The following LINS1 variants were observed in gnomAD, a reference collection of about 807,000 sequenced individuals.
LINS1 encodes the protein lines homolog 1.
LINS1 carries 27 observed loss-of-function variants against 41.6 expected under a neutral mutation model. The ratio of observed to expected loss-of-function variants is 0.65; its 90% CI spans 0.48 to 0.89. LINS1 has a LOEUF of 0.89. Among genes scored for constraint, LINS1 ranks in the 40% least tolerant of loss-of-function variants. The probability of loss-of-function intolerance (pLI) is 0.00; values close to 1 mark genes in which losing one functional copy is unlikely to be tolerated. For missense variants in LINS1, 955 were observed against 884.1 expected, an observed-to-expected ratio of 1.08 and a Z score of -1.02; for synonymous variants, 336 against 312.9, an observed-to-expected ratio of 1.07 and a Z score of -0.78.
At chr15:100,582,932 T>C (rs1402272319) in intron 1 of LINS1, among the ~76,000 whole-genome samples, 10 of 130,120 alleles carry the variant, frequency 7.7e-5, no homozygotes, top group Admixed American at 1.5e-4. Context: ...CCATCTACAC[T>C]ATGGCCCACT....
chr15:100,583,469 T>C (rs2038661749), intron 1 of LINS1, among the ~76,000 whole-genome samples: 2 of 152,240 alleles, frequency 1.3e-5, no homozygotes. Flanking sequence ...TTTCTCTGAA[T>C]CACACTTTCA....
intron 1 of LINS1, among the ~76,000 whole-genome samples, chr15:100,599,854 T>C (rs1305194156): frequency 6.6e-6 from 1 of 152,094 alleles, no homozygotes; most frequent in Non-Finnish European, 1.5e-5. Context: ...TCACCTGAGG[T>C]CAGAGGTTCG....
chr15:100,587,182 A>AAAAAAAAG lies in LINS1; in HGVS notation c.-103-6238_-103-6237insCTTTTTTT, dbSNP rs1555434011. ...TAAAAAAAAAAAAAAAAAAAAAAAA[A>AAAAAAAAG]CATTAGCAGTTTGGCAATTCTTTAA... On this transcript the variant is annotated intron_variant, in intron 1 of 6. Transcript: ENST00000314742. Among the ~76,000 whole-genome samples the AAAAAAAAG allele has an allele frequency of 2.9e-4, 36 of 124,436 alleles. 1 individual carries two copies. The highest frequency in any genetic ancestry group is 3.9e-4 in the African/African-American group (13 of 33,020). 81.6% of individuals were successfully genotyped at this position (124,436 alleles called of 152,430 possible). A position where few individuals can be genotyped will look rare whatever the true frequency, so the allele number is the denominator to read the frequency against.
intron 3 of LINS1, among the ~76,000 whole-genome samples, chr15:100,576,200 C>T (rs1415581852): frequency 6.6e-6 from 1 of 152,038 alleles, no homozygotes; most frequent in Non-Finnish European, 1.5e-5. Context: ...GAGATAGAGA[C>T]ACAAAAAACC....
At chr15:100,589,368 T>C (rs2038938570) in intron 1 of LINS1, among the ~76,000 whole-genome samples, 1 of 152,212 alleles carries the variant, frequency 6.6e-6, no homozygotes, top group Non-Finnish European at 1.5e-5. Flanking sequence ...TCATGTTAAA[T>C]CAGCTGATAC....
intron 6 of LINS1, among the ~76,000 whole-genome samples, chr15:100,571,129 C>G (rs1296556433): frequency 1.3e-5 from 2 of 152,180 alleles, no homozygotes; most frequent in East Asian, 3.8e-4. Flanking sequence ...CCCAAACACT[C>G]AAGAGTCTAA....
intron 1 of LINS1, among the ~76,000 whole-genome samples, chr15:100,589,961 T>C (rs189056719): frequency 1.2e-3 from 188 of 152,266 alleles, no homozygotes; most frequent in African/African-American, 3.8e-3. Context: ...TCTGAGAACA[T>C]TGGAGAAAGA....
chr15:100,572,248 A>G, intron 5 of LINS1, 183 bp from the exon 6 acceptor site: 1 of 1,416,736 alleles, frequency 7.1e-7, no homozygotes, highest in Non-Finnish European at 9.2e-7. Flanking sequence ...ACTGAGGCTC[A>G]GGGAAAAAAA....
rs910381064 is a variant in LINS1 at position 100,568,268 on chromosome 15, A to G, written c.*970T>C. 2 of 152,204 alleles carry G rather than the reference A, an allele frequency of 1.3e-5. No individual in the cohort carries two copies. The highest frequency in any genetic ancestry group is 4.8e-5 in the African/African-American group (2 of 41,452). The allele number at this position is 152,204 out of a possible 1,614,324, so 9.4% of individuals were successfully genotyped here. Reference sequence around the variant, plus strand: ...CTTTCTGTGTAAATACCCCAGAAGGAAATAGTAACTGTATTTGGTTAGTGA... The same window carrying G: ...CTTTCTGTGTAAATACCCCAGAAGGGAATAGTAACTGTATTTGGTTAGTGA... On this transcript the variant is annotated 3_prime_UTR_variant, in exon 7 of 7. Transcript: ENST00000314742.
rs974240945 is a variant in LINS1, at chr15:100,580,594, G to A, written c.249C>T (p.Ser83=). Residue 83 remains serine, a synonymous_variant, in exon 2 of 7, where the codon AGC becomes AGT. Transcript: ENST00000314742. Reference sequence around the variant, plus strand: ...GAAGGAGCATTACTTCTCTGGAACCGCTCATCTGAGAGTTGGTCTTCAAAC... The same window carrying A: ...GAAGGAGCATTACTTCTCTGGAACCACTCATCTGAGAGTTGGTCTTCAAAC... The part of the protein sequence containing the change: ...PVCLKTNSQM[S]GSREVMLLQL... 2.2e-5 allele frequency: 36 copies of A among 1,613,894 alleles called. No homozygotes were observed. The African/African-American group carries it at 4.4e-4, about 20-fold the overall frequency.
intron 1 of LINS1, among the ~76,000 whole-genome samples, chr15:100,587,182 A>AAAAAAAAAAG (rs1555434011): frequency 6.4e-5 from 8 of 124,446 alleles, no homozygotes; most frequent in Non-Finnish European, 6.6e-5. Context: ...AAAAAAAAAA[A>AAAAAAAAAAG]CATTAGCAGT....
At chr15:100,596,382 C>G (rs2141360885) in intron 1 of LINS1, among the ~76,000 whole-genome samples, 2 of 151,458 alleles carry the variant, frequency 1.3e-5, no homozygotes. Flanking sequence ...AATACAAACT[C>G]TGTCACGTGT....
In LINS1 at chr15:100,578,784, A is replaced by C. The variant is rs539428786; in HGVS notation, c.489+1479T>G. Among the ~76,000 whole-genome samples the C allele has an allele frequency of 1.8e-3, 281 of 152,342 alleles. 3 individuals are homozygous for C. Among genetic ancestry groups the C allele is most frequent in the African/African-American group, 6.2e-3 (258 of 41,562 alleles). On this transcript the variant is annotated intron_variant, in intron 3 of 6. Transcript: ENST00000314742. ...AGACTTGGAACCAACCCAAATGTCC[A>C]ACAATGATAGACTGGATTAAGAAAA...
chr15:100,599,045 G>A (rs1402708546), intron 1 of LINS1, among the ~76,000 whole-genome samples: 1 of 152,166 alleles, frequency 6.6e-6, no homozygotes, highest in African/African-American at 2.4e-5. Context: ...TGGTGCTGGG[G>A]CATTTTTCCA....
chr15:100,589,116 A>C, intron 1 of LINS1, among the ~76,000 whole-genome samples: 1 of 152,218 alleles, frequency 6.6e-6, no homozygotes, highest in East Asian at 1.9e-4. Flanking sequence ...CCAAAAGTAA[A>C]AGTTGCTAAG....
intron 1 of LINS1, among the ~76,000 whole-genome samples, chr15:100,597,091 C>T (rs2039283166): frequency 6.6e-6 from 1 of 152,176 alleles, no homozygotes; most frequent in Non-Finnish European, 1.5e-5. Flanking sequence ...TTGAGCACAT[C>T]CAGGCTCCTC....
chr15:100,602,006 T>C (rs1475343793), intron 1 of LINS1, 115 bp downstream of exon 1: 1 of 152,236 alleles, frequency 6.6e-6, no homozygotes, highest in African/African-American at 2.4e-5. Flanking sequence ...GGCACCCCTC[T>C]ACTCGCTTCC....
chr15:100,574,946 G>A, intron 4 of LINS1, 41 bp downstream of exon 4: 3 of 1,600,818 alleles, frequency 1.9e-6, no homozygotes, highest in Non-Finnish European at 2.6e-6. Context: ...ACGCTCCCAG[G>A]AGCAAGATGA....
At chr15:100,579,081 G>A (rs1277010053) in intron 3 of LINS1, among the ~76,000 whole-genome samples, 3 of 151,902 alleles carry the variant, frequency 2.0e-5, no homozygotes, top group African/African-American at 7.2e-5. Context: ...TGTAAATGAC[G>A]AGTTAATGGG....
Sources: allele counts gnomAD v4.1 joint callset (sites outside exome capture counted in the v4.1 genomes callset), GRCh38; gene constraint gnomAD v4.1.1; transcripts MANE v1.5; gene names NCBI Gene and HGNC (gene_info 2026-07-23, HGNC 2026-07-21).